MCC: variants seen among roughly 807,000 people sequenced by gnomAD.
The protein encoded by MCC is colorectal mutant cancer protein.
Under a neutral mutation model 116.2 loss-of-function variants are expected in MCC, and 90 were observed. That is an observed-to-expected ratio of 0.77 (90% CI 0.65 to 0.92). The LOEUF is 0.92. MCC is among the 40% of genes least tolerant of loss of function. The pLI is 0.00. For missense variants in MCC, 1,516 were observed against 1,312.2 expected, an observed-to-expected ratio of 1.16 and a Z score of -2.40; for synonymous variants, 578 against 510.5, an observed-to-expected ratio of 1.13 and a Z score of -1.78.
chr5:113,101,820 C>G lies in MCC; in HGVS notation c.1317G>C (p.Leu439=). The G allele has an allele frequency of 6.2e-7, 1 of 1,613,646 alleles. No homozygotes were observed. The highest frequency in any genetic ancestry group is 1.3e-5 in the African/African-American group (1 of 75,044). The change falls in exon 8 of 19, where the codon CTG becomes CTC. Residue 439 remains leucine, a synonymous_variant. Coordinates refer to ENST00000408903, the MANE Select transcript of MCC (RefSeq NM_001085377.2). ...GGTTCAGTTCTTCCTCTTTGCTGCA[C>G]AGCATGGCAGTCAGGCTCTCATTCT... The part of the protein sequence containing the change: ...REENESLTAM[L]CSKEEELNRT...
intron 1 of MCC, among the ~76,000 whole-genome samples, chr5:113,429,271 CAGAA>C (rs919254062): frequency 4.0e-5 from 6 of 150,440 alleles, no homozygotes; most frequent in African/African-American, 1.5e-4. Flanking sequence ...TATGAAGAGA[CAGAA>C]AGAGAGAGAG....
intron 3 of MCC, among the ~76,000 whole-genome samples, chr5:113,188,899 T>A (rs1762024572): frequency 6.6e-6 from 1 of 152,168 alleles, no homozygotes; most frequent in Admixed American, 6.5e-5. Context: ...CAAAGAGTAT[T>A]AGGAAGCCAG....
chr5:113,463,789 C>T (rs558029110), intron 1 of MCC, among the ~76,000 whole-genome samples: 4 of 152,228 alleles, frequency 2.6e-5, no homozygotes, highest in South Asian at 4.1e-4. Context: ...AGAACTGAAG[C>T]TGAAACGTAA....
chr5:113,263,333 C>T (rs537986407), intron 3 of MCC, among the ~76,000 whole-genome samples: 1 of 152,296 alleles, frequency 6.6e-6, no homozygotes, highest in Admixed American at 6.5e-5. Context: ...ATGGAATCTA[C>T]AAGAGGAGAC....
At chr5:113,298,094 A>G (rs1179833982) in intron 3 of MCC, among the ~76,000 whole-genome samples, 1 of 152,222 alleles carries the variant, frequency 6.6e-6, no homozygotes. Flanking sequence ...TAATAAATAA[A>G]ACCGTGAAAT....
chr5:113,041,582 A>G (rs746243119), intron 17 of MCC, among the ~76,000 whole-genome samples: 1 of 152,180 alleles, frequency 6.6e-6, no homozygotes, highest in Non-Finnish European at 1.5e-5. Flanking sequence ...GAGGGCTGTT[A>G]TTAGCCAGGA....
chr5:113,385,274 G>A, intron 1 of MCC, 62 bp from the exon 2 acceptor site: 2 of 1,493,544 alleles, frequency 1.3e-6, no homozygotes, highest in Non-Finnish European at 9.1e-7. Flanking sequence ...AGAGAAACTG[G>A]TTAATGAAAA....
At chr5:113,257,223 C>G (rs560331841) in intron 3 of MCC, among the ~76,000 whole-genome samples, 20 of 152,250 alleles carry the variant, frequency 1.3e-4, no homozygotes, top group African/African-American at 4.1e-4. Context: ...TCTGGTCATC[C>G]TGGCCCAGTC....
Position 113,082,998 on chromosome 5 carries a change from C to T in MCC, c.1646G>A (p.Ser549Asn). Residue 549 changes from serine to asparagine, a missense_variant, in exon 11 of 19, where the codon AGT (serine) becomes AAT (asparagine). Physicochemically the swap from Ser to Asn is conservative, Grantham distance 46 (BLOSUM62 1). Transcript: ENST00000408903. ...SEISSIGVSS[S>N]VAEHLAHSLQ... is the part of the protein sequence containing the mutation. ...TGAGTGGGCCAGGTGTTCAGCCACA[C>T]TGCTGGATACCTGCAAAAAGAAGCA... 2 of 1,612,064 alleles carry T rather than the reference C, an allele frequency of 1.2e-6. No homozygotes were observed. The highest frequency in any genetic ancestry group is 1.7e-6 in the Non-Finnish European group (2 of 1,179,494).
chr5:113,071,195 G>A lies in MCC; in HGVS notation c.1824C>T (p.Thr608=), dbSNP rs202164331. The change falls in exon 12 of 19, where the codon ACC becomes ACT. Residue 608 remains threonine (T), a synonymous_variant. Coordinates refer to ENST00000408903, the MANE Select transcript of MCC (RefSeq NM_001085377.2). ...TGCTTTTACATTCCTCCAAGGTTAT[G>A]GTCAGGAGGTCATTTTGGGATTTGA... ...EHLKSQNDLL[T]ITLEECKSNA... is the part of the protein sequence containing the mutation. 2 of 1,614,104 alleles carry A rather than the reference G, an allele frequency of 1.2e-6. No homozygotes were observed. The highest frequency in any genetic ancestry group is 3.3e-5 in the Admixed American group (2 of 60,010).
chr5:113,078,039 A>T (rs140280639), intron 11 of MCC, among the ~76,000 whole-genome samples: 2,976 of 152,328 alleles, frequency 0.02, 86 homozygotes, highest in African/African-American at 0.067. Flanking sequence ...CTACACAAAT[A>T]AACTAGAAAA....
chr5:113,270,118 G>T (rs1765556525), intron 3 of MCC, among the ~76,000 whole-genome samples: 1 of 152,182 alleles, frequency 6.6e-6, no homozygotes, highest in Non-Finnish European at 1.5e-5. Context: ...ACAGGAGGTA[G>T]ATCTAGATCT....
intron 1 of MCC, among the ~76,000 whole-genome samples, chr5:113,437,990 A>G (rs1246440636): frequency 6.6e-6 from 1 of 152,174 alleles, no homozygotes; most frequent in Non-Finnish European, 1.5e-5. Context: ...GCATCCTAAA[A>G]TCGATGCTGA....
At chr5:113,379,590 T>C (rs1187953923) in intron 2 of MCC, among the ~76,000 whole-genome samples, 2 of 152,220 alleles carry the variant, frequency 1.3e-5, no homozygotes, top group East Asian at 1.9e-4. Context: ...GTAAAGTGCC[T>C]AGCAAATTGT....
intron 1 of MCC, among the ~76,000 whole-genome samples, chr5:113,478,212 G>C (rs1017962324): frequency 6.6e-6 from 1 of 152,164 alleles, no homozygotes; most frequent in Non-Finnish European, 1.5e-5. Context: ...ATGCTGCAGA[G>C]AAATAACACA....
intron 8 of MCC, among the ~76,000 whole-genome samples, chr5:113,086,722 A>G (rs1482300719): frequency 6.6e-6 from 1 of 150,700 alleles, no homozygotes; most frequent in Non-Finnish European, 1.5e-5. Flanking sequence ...TGTCTACCTG[A>G]AAGAGCAAAC....
At chr5:113,419,822 G>A (rs2150406609) in intron 1 of MCC, among the ~76,000 whole-genome samples, 1 of 139,818 alleles carries the variant, frequency 7.2e-6, no homozygotes, top group Non-Finnish European at 1.5e-5. Flanking sequence ...ATTGAACAAT[G>A]AGAACACATG....
chr5:113,334,951 C>T (rs1439711249), intron 3 of MCC, among the ~76,000 whole-genome samples: 1 of 151,642 alleles, frequency 6.6e-6, no homozygotes, highest in African/African-American at 2.4e-5. Context: ...GCCCTTTTCT[C>T]AAAATTCCAA....
chr5:113,201,887 C>A (rs893368637), intron 3 of MCC, among the ~76,000 whole-genome samples: 3 of 152,082 alleles, frequency 2.0e-5, no homozygotes, highest in Admixed American at 1.3e-4. Context: ...TTTCCTGTCC[C>A]GCCATCCAAG....
Sources: gnomAD v4.1 joint callset for allele counts (sites outside exome capture counted in the v4.1 genomes callset) on GRCh38, gnomAD v4.1.1 for gene constraint, MANE v1.5 for transcripts, NCBI Gene and HGNC (gene_info 2026-07-23, HGNC 2026-07-21) for gene names.